Variants in FARS2 observed in about 807,000 individuals in gnomAD.
FARS2 encodes phenylalanine--tRNA ligase, mitochondrial.
FARS2 carries 40 observed loss-of-function variants against 46.4 expected under a neutral mutation model. The observed-to-expected ratio is 0.86, with a 90% CI of 0.67 to 1.12. FARS2 has a LOEUF of 1.12. FARS2 is among the 50% of genes most tolerant of loss of function. The probability of loss-of-function intolerance (pLI) is 0.00; values close to 1 mark genes in which losing one functional copy is unlikely to be tolerated. For synonymous variants in FARS2, 234 were observed against 214.9 expected, an observed-to-expected ratio of 1.09 and a Z score of -0.78; for missense variants, 513 against 567.9, an observed-to-expected ratio of 0.90 and a Z score of 0.98.
intron 6 of FARS2, among the ~76,000 whole-genome samples, chr6:5,629,339 C>G (rs912937967): frequency 3.9e-5 from 6 of 152,112 alleles, no homozygotes; most frequent in Admixed American, 3.9e-4. Context: ...CCTTACTTTG[C>G]CTTATATACT....
upstream of FARS2, chr6:5,260,716 G>A (rs1466858063): frequency 6.4e-7 from 1 of 1,551,644 alleles, no homozygotes; most frequent in East Asian, 2.4e-5. Context: ...ACACTTGTGC[G>A]CGACTGGAGG....
Position 5,645,763 on chromosome 6 carries a change from G to A in FARS2, c.1217+32443G>A, listed in dbSNP as rs144943539. Among the ~76,000 whole-genome samples the A allele has an allele frequency of 5.1e-3, 784 of 152,284 alleles. 6 individuals carry two copies. Among genetic ancestry groups the A allele is most frequent in the African/African-American group, 0.018 (748 of 41,542 alleles). On this transcript the variant is annotated intron_variant, in intron 6 of 6. Coordinates refer to ENST00000274680, the MANE Select transcript of FARS2 (RefSeq NM_006567.5). ...CAGCCGGCTGCATTCAGTTGACGTG[G>A]TGCTTTGACAGATTGGCATGGGTGA...
chr6:5,368,980 G>C lies in FARS2; in HGVS notation c.410G>C (p.Ser137Thr), dbSNP rs1758859644. ...DSLLIPADHP[S>T]RKKGDNYYLN... is the part of the protein sequence containing the mutation. ...CTGCTCATCCCAGCTGATCACCCCA[G>C]CAGGAAGAAGGGGGACAACTATTAC... Residue 137 changes from serine (S) to threonine (T), a missense_variant, in exon 2 of 7, where the codon AGC becomes ACC. Transcript: ENST00000274680. 6.2e-7 allele frequency: 1 copy of C among 1,614,150 alleles called. No homozygotes were observed. Among genetic ancestry groups the C allele is most frequent in the Non-Finnish European group, 8.5e-7 (1 of 1,180,010 alleles).
At chr6:5,679,152 C>T (rs896550072) in intron 6 of FARS2, among the ~76,000 whole-genome samples, 7 of 152,186 alleles carry the variant, frequency 4.6e-5, no homozygotes, top group African/African-American at 1.7e-4. Flanking sequence ...CTGCAATTGA[C>T]CTGTTGAAGG....
chr6:5,713,642 C>T (rs1355875925), intron 6 of FARS2, among the ~76,000 whole-genome samples: 1 of 152,238 alleles, frequency 6.6e-6, no homozygotes, highest in Non-Finnish European at 1.5e-5. Flanking sequence ...CCTGGTGTGT[C>T]CATGGGCAGG....
chr6:5,414,981 A>T (rs1299184800), intron 3 of FARS2, among the ~76,000 whole-genome samples: 2 of 150,046 alleles, frequency 1.3e-5, no homozygotes, highest in East Asian at 3.9e-4. Flanking sequence ...TGCCTGGGTA[A>T]TTTTTTTTTG....
At chr6:5,516,191 A>G (rs998330105) in intron 4 of FARS2, among the ~76,000 whole-genome samples, 1 of 152,222 alleles carries the variant, frequency 6.6e-6, no homozygotes, top group Non-Finnish European at 1.5e-5. Flanking sequence ...TCGTCACACC[A>G]GCTCTTGAAT....
intron 6 of FARS2, among the ~76,000 whole-genome samples, chr6:5,621,741 C>T (rs1775786021): frequency 6.6e-6 from 1 of 152,162 alleles, no homozygotes; most frequent in Admixed American, 6.5e-5. Flanking sequence ...AAACTGTTGC[C>T]AGGATAGACC....
At chr6:5,381,102 G>A (rs528027239) in intron 2 of FARS2, among the ~76,000 whole-genome samples, 1 of 151,634 alleles carries the variant, frequency 6.6e-6, no homozygotes, top group South Asian at 2.1e-4. Flanking sequence ...CTGGGTTCAC[G>A]CCATTCTCCT....
At chr6:5,617,846 T>C (rs1245895938) in intron 6 of FARS2, among the ~76,000 whole-genome samples, 1 of 152,200 alleles carries the variant, frequency 6.6e-6, no homozygotes, top group Admixed American at 6.5e-5. Context: ...TTTAGGCCAC[T>C]TATTTTTTAG....
At chr6:5,390,473 G>GGAT (rs1299259748) in intron 2 of FARS2, among the ~76,000 whole-genome samples, 1 of 152,082 alleles carries the variant, frequency 6.6e-6, no homozygotes, top group Non-Finnish European at 1.5e-5. Flanking sequence ...GTTACTTCAA[G>GGAT]GATTATTTTG....
chr6:5,673,395 G>C (rs1267567764), intron 6 of FARS2, among the ~76,000 whole-genome samples: 3 of 152,144 alleles, frequency 2.0e-5, no homozygotes. Flanking sequence ...TCCCTTCCTA[G>C]GGCACCACAG....
intron 4 of FARS2, among the ~76,000 whole-genome samples, chr6:5,433,127 C>T (rs887383769): frequency 2.6e-5 from 4 of 152,120 alleles, no homozygotes; most frequent in African/African-American, 9.7e-5. Flanking sequence ...AGTTGTGAGG[C>T]CTGGGCTTGG....
intron 6 of FARS2, among the ~76,000 whole-genome samples, chr6:5,749,496 A>G (rs1197532700): frequency 6.6e-6 from 1 of 152,166 alleles, no homozygotes; most frequent in African/African-American, 2.4e-5. Flanking sequence ...TCCTGCTGCC[A>G]GCTCCTCCTT....
intron 2 of FARS2, among the ~76,000 whole-genome samples, chr6:5,389,527 T>G (rs1760352217): frequency 6.6e-6 from 1 of 152,202 alleles, no homozygotes; most frequent in African/African-American, 2.4e-5. Context: ...TCACTTGTAC[T>G]TGCGTTTGGT....
chr6:5,412,862 A>G (rs1407277537), intron 3 of FARS2, among the ~76,000 whole-genome samples: 2 of 149,898 alleles, frequency 1.3e-5, no homozygotes, highest in African/African-American at 4.9e-5. Flanking sequence ...CATTCAAGCA[A>G]TTTTGACTTG....
At chr6:5,529,433 G>A (rs147071251) in intron 4 of FARS2, among the ~76,000 whole-genome samples, 2,077 of 152,130 alleles carry the variant, frequency 0.014, 50 homozygotes, top group African/African-American at 0.046. Flanking sequence ...TCAGCCTCCC[G>A]AGTAGCTGGG....
At chr6:5,478,002 A>G (rs1766223412) in intron 4 of FARS2, among the ~76,000 whole-genome samples, 1 of 152,202 alleles carries the variant, frequency 6.6e-6, no homozygotes, top group South Asian at 2.1e-4. Flanking sequence ...CCTGGGTGAA[A>G]GAGCGAGACC....
At chr6:5,424,905 C>T (rs1395257049) in intron 3 of FARS2, among the ~76,000 whole-genome samples, 1 of 152,194 alleles carries the variant, frequency 6.6e-6, no homozygotes, top group East Asian at 1.9e-4. Context: ...ATGTCTTTGA[C>T]AGTGGCGGCT....
Sources: gnomAD v4.1 joint callset for allele counts (sites outside exome capture counted in the v4.1 genomes callset) on GRCh38, gnomAD v4.1.1 for gene constraint, MANE v1.5 for transcripts, NCBI Gene and HGNC (gene_info 2026-07-23, HGNC 2026-07-21) for gene names.